CAST: variants seen among roughly 807,000 people sequenced by gnomAD.
CAST encodes the protein calpastatin.
Under a neutral mutation model 119.6 loss-of-function variants are expected in CAST, and 76 were observed. That is an observed-to-expected ratio of 0.64 (90% CI 0.53 to 0.77). The LOEUF is 0.77. CAST is among the 30% of genes least tolerant of loss of function. The pLI, the probability that CAST is intolerant of heterozygous loss-of-function variation, is 0.00. For missense variants in CAST, 953 were observed against 946.5 expected, an observed-to-expected ratio of 1.01 and a Z score of -0.09; for synonymous variants, 319 against 331.6, an observed-to-expected ratio of 0.96 and a Z score of 0.41.
the CAST span, among the ~76,000 whole-genome samples, chr5:96,229,260 A>G: frequency 6.6e-6 from 1 of 150,822 alleles, no homozygotes; most frequent in Non-Finnish European, 1.5e-5. Flanking sequence ...TGTGAAGGAT[A>G]CTAGATACAA....
At chr5:96,040,550 G>A in the CAST span, among the ~76,000 whole-genome samples, 8 of 151,936 alleles carry the variant, frequency 5.3e-5, no homozygotes, top group Non-Finnish European at 2.9e-5. Flanking sequence ...ACCTTCCATC[G>A]ATACCTAGTT....
the CAST span, among the ~76,000 whole-genome samples, chr5:96,282,524 C>G: frequency 1.3e-5 from 2 of 152,316 alleles, no homozygotes; most frequent in Middle Eastern, 3.4e-3. Flanking sequence ...TCCCTGGATA[C>G]TGTCGTCAGA....
chr5:96,730,559 A>G (rs1217346648), intron 8 of CAST, among the ~76,000 whole-genome samples: 1 of 152,188 alleles, frequency 6.6e-6, no homozygotes, highest in Admixed American at 6.5e-5. Flanking sequence ...ACCTAGCCTG[A>G]TTGACCTACG....
the CAST span, among the ~76,000 whole-genome samples, chr5:96,300,934 T>C: frequency 6.6e-6 from 1 of 152,028 alleles, no homozygotes; most frequent in Non-Finnish European, 1.5e-5. Flanking sequence ...TGCTAATAAT[T>C]TTTGTGTGTT....
chr5:96,421,364 G>A, the CAST span, among the ~76,000 whole-genome samples: 4 of 149,512 alleles, frequency 2.7e-5, no homozygotes, highest in Non-Finnish European at 4.4e-5. Flanking sequence ...CCTGGAGACT[G>A]TGTTGGATTC....
At chr5:96,111,517 C>T in the CAST span, among the ~76,000 whole-genome samples, 2 of 152,326 alleles carry the variant, frequency 1.3e-5, no homozygotes, top group Admixed American at 6.5e-5. Flanking sequence ...CAGTTGGTTC[C>T]TCTGGTAACC....
chr5:96,511,468 G>A, the CAST span, among the ~76,000 whole-genome samples: 1 of 152,100 alleles, frequency 6.6e-6, no homozygotes, highest in African/African-American at 2.4e-5. Flanking sequence ...TATCCACAAG[G>A]TTTGAAATAT....
chr5:96,330,551 A>C, the CAST span, among the ~76,000 whole-genome samples: 1 of 152,168 alleles, frequency 6.6e-6, no homozygotes, highest in African/African-American at 2.4e-5. Context: ...CCCAGTTCCT[A>C]TGCAGTTTAT....
the CAST span, among the ~76,000 whole-genome samples, chr5:96,503,747 A>G: frequency 1.3e-5 from 2 of 152,144 alleles, no homozygotes; most frequent in African/African-American, 4.8e-5. Flanking sequence ...AGCAGCCCAA[A>G]TGACAGGGCT....
the CAST span, among the ~76,000 whole-genome samples, chr5:96,129,456 G>C: frequency 1.3e-5 from 2 of 152,060 alleles, no homozygotes; most frequent in Admixed American, 6.6e-5. Flanking sequence ...AGATTCTCTG[G>C]TTCCTGGGCC....
At chr5:96,570,060 C>G (rs1211783540) in intron 1 of CAST, among the ~76,000 whole-genome samples, 2 of 152,154 alleles carry the variant, frequency 1.3e-5, no homozygotes, top group Non-Finnish European at 2.9e-5. Flanking sequence ...AAAATCGTAC[C>G]CTGATCTAAA....
At chr5:96,502,111 G>A in the CAST span, among the ~76,000 whole-genome samples, 1 of 152,140 alleles carries the variant, frequency 6.6e-6, no homozygotes, top group Non-Finnish European at 1.5e-5. Context: ...AGATTGATGT[G>A]ATAGTTCCAC....
the CAST span, among the ~76,000 whole-genome samples, chr5:96,053,309 G>T: frequency 3.7e-4 from 57 of 152,296 alleles, no homozygotes; most frequent in Non-Finnish European, 4.0e-4. Context: ...TTCAGCCAAG[G>T]TTGAGAGCCA....
chr5:95,976,854 G>A, the CAST span, among the ~76,000 whole-genome samples: 21 of 152,200 alleles, frequency 1.4e-4, no homozygotes, highest in Admixed American at 1.2e-3. Flanking sequence ...TCAGTTGGCA[G>A]ATGTTTTTTC....
chr5:96,557,737 C>T (rs749438231), intron 1 of CAST, among the ~76,000 whole-genome samples: 1 of 152,186 alleles, frequency 6.6e-6, no homozygotes, highest in Non-Finnish European at 1.5e-5. Context: ...GAAACTTAGA[C>T]TCCCACACAG....
chr5:96,427,525 T>G, the CAST span, among the ~76,000 whole-genome samples: 277 of 152,298 alleles, frequency 1.8e-3, no homozygotes, highest in African/African-American at 6.3e-3. Flanking sequence ...GGCTAATTTT[T>G]TACAAAGTTA....
chr5:96,259,567 T>C, the CAST span, among the ~76,000 whole-genome samples: 1 of 152,196 alleles, frequency 6.6e-6, no homozygotes, highest in African/African-American at 2.4e-5. Context: ...TAGCCTTAGA[T>C]TCCCCTGTGG....
the CAST span, among the ~76,000 whole-genome samples, chr5:96,244,976 AAT>A: frequency 1.3e-5 from 2 of 152,202 alleles, no homozygotes; most frequent in Admixed American, 6.5e-5. Context: ...TTAAATCTAA[AAT>A]ATGTCTATCA....
the CAST span, among the ~76,000 whole-genome samples, chr5:96,483,402 C>A: frequency 6.6e-6 from 1 of 152,092 alleles, no homozygotes; most frequent in African/African-American, 2.4e-5. Flanking sequence ...GCACTTTGTA[C>A]CTAGTAAGTT....
Sources: gnomAD v4.1 joint callset for allele counts (sites outside exome capture counted in the v4.1 genomes callset) on GRCh38, gnomAD v4.1.1 for gene constraint, MANE v1.5 for transcripts, NCBI Gene and HGNC (gene_info 2026-07-23, HGNC 2026-07-21) for gene names.